EPAS1: variants seen among roughly 807,000 people sequenced by gnomAD.
EPAS1 encodes endothelial PAS domain-containing protein 1.
A neutral mutation model predicts 87.9 loss-of-function variants in EPAS1; 23 were observed. That is an observed-to-expected ratio of 0.26 (90% CI 0.19 to 0.37). The LOEUF is 0.37. Ranked by LOEUF, EPAS1 falls within the 10% of genes least tolerant of loss-of-function variation. The probability of loss-of-function intolerance (pLI) is 1.00; values close to 1 mark genes in which losing one functional copy is unlikely to be tolerated. For synonymous variants in EPAS1, 508 were observed against 444.3 expected (o/e 1.14, Z -1.80); for missense variants, 1,138 against 1,120.7 (o/e 1.02, Z -0.22).
Position 46,302,276 on chromosome 2 carries a change from T to A in EPAS1, c.26+4339T>A, listed in dbSNP as rs1225203634. On this transcript the variant is annotated intron_variant, in intron 1 of 15. Coordinates refer to ENST00000263734, the MANE Select transcript of EPAS1 (RefSeq NM_001430.5). ...TGCTCCAGGATTTTAGGCTCCTACA[T>A]TTGAAAATACTTGCTGTCATTAATT... 6.6e-5 allele frequency among the ~76,000 whole-genome samples: 10 copies of A among 152,106 alleles called. No individual in the cohort carries two copies. In the South Asian group the frequency reaches 2.1e-3, roughly 31 times the overall value.
intron 1 of EPAS1, among the ~76,000 whole-genome samples, chr2:46,322,699 C>A (rs1220852652): frequency 6.6e-6 from 1 of 152,208 alleles, no homozygotes; most frequent in African/African-American, 2.4e-5. Context: ...TGCCTCAGTT[C>A]TTGCACACAG....
intron 1 of EPAS1, among the ~76,000 whole-genome samples, chr2:46,339,408 C>T (rs534864328): frequency 2.1e-4 from 32 of 152,298 alleles, no homozygotes; most frequent in African/African-American, 7.0e-4. Context: ...TGTCAGCAGG[C>T]GCTCTGTTCA....
rs1683892092 is a variant in EPAS1 at position 46,340,591 on chromosome 2, G to T, written c.27-6282G>T. On this transcript the variant is annotated intron_variant, in intron 1 of 15. Coordinates refer to ENST00000263734, the MANE Select transcript of EPAS1 (RefSeq NM_001430.5). ...CCAGATGGGCTGTGGTCTCTTTCAG[G>T]ATAGAGACCATGCCCCTCAGGAGAG... 2.6e-5 allele frequency among the ~76,000 whole-genome samples: 4 copies of T among 152,196 alleles called. 1 individual carries two copies. The South Asian group carries it at 8.3e-4, about 31-fold the overall frequency.
At chr2:46,383,990 T>C (rs1261232008) in intron 15 of EPAS1, among the ~76,000 whole-genome samples, 1 of 152,176 alleles carries the variant, frequency 6.6e-6, no homozygotes, top group African/African-American at 2.4e-5. Flanking sequence ...GGGGCCTGTG[T>C]GTGTGCTGCG....
chr2:46,316,892 C>T (rs1432226524), intron 1 of EPAS1, among the ~76,000 whole-genome samples: 4 of 152,218 alleles, frequency 2.6e-5, no homozygotes, highest in Non-Finnish European at 5.9e-5. Context: ...ACTGCTTTAT[C>T]AACTTAGTTG....
chr2:46,328,937 T>A (rs1683617492), intron 1 of EPAS1, among the ~76,000 whole-genome samples: 1 of 152,194 alleles, frequency 6.6e-6, no homozygotes, highest in African/African-American at 2.4e-5. Context: ...ATAAAAAAAA[T>A]TATTTTTTTC....
At position 46,380,178 on chromosome 2, in the gene EPAS1, G is replaced by A. The variant is rs749329347; in HGVS notation, c.1555-49G>A. The A allele has an allele frequency of 1.9e-6, 3 of 1,600,852 alleles. No homozygotes were observed. Among genetic ancestry groups the A allele is most frequent in the South Asian group, 1.1e-5 (1 of 91,080 alleles). On this transcript the variant is annotated intron_variant, in intron 11 of 15. Transcript: ENST00000263734. The surrounding 1 kb of genome is among the most constrained non-coding windows in gnomAD (Gnocchi z 4.4). ...GGAGCTGAGTTGGAATAGTGTTTGT[G>A]AGGTCGTACCAACCCCCTTGCCTCT...
rs1248769427 is a variant in EPAS1 at position 46,371,855 on chromosome 2, T to C, written c.886+1922T>C. 6.6e-6 allele frequency among the ~76,000 whole-genome samples: 1 copy of C among 152,146 alleles called. No individual in the cohort carries two copies. Among genetic ancestry groups the C allele is most frequent in the African/African-American group, 2.4e-5 (1 of 41,436 alleles). ...GGGTGAAGCCAAGGCAAGAGACAAA[T>C]GTAAAAATTTCTGGGAATTCTTGGA... On this transcript the variant is annotated intron_variant, in intron 7 of 15. Coordinates refer to ENST00000263734, the MANE Select transcript of EPAS1 (RefSeq NM_001430.5). This position sits in a 1 kb window ranked among gnomAD's most constrained non-coding sequence, Gnocchi z 4.3.
chr2:46,315,813 T>A (rs1434595511), intron 1 of EPAS1, among the ~76,000 whole-genome samples: 1 of 152,198 alleles, frequency 6.6e-6, no homozygotes, highest in African/African-American at 2.4e-5. Flanking sequence ...CCCCCTCAAA[T>A]TCTTTGGAAG....
intron 2 of EPAS1, among the ~76,000 whole-genome samples, chr2:46,352,920 T>C (rs748643102): frequency 2.6e-5 from 4 of 152,198 alleles, no homozygotes; most frequent in Non-Finnish European, 5.9e-5. Context: ...GCAAATGCAC[T>C]GGGCATGGGT....
chr2:46,337,672 G>A (rs1683821273), intron 1 of EPAS1, among the ~76,000 whole-genome samples: 1 of 152,154 alleles, frequency 6.6e-6, no homozygotes, highest in African/African-American at 2.4e-5. Context: ...AAGCTTGTGA[G>A]ATCCAAAGGA....
intron 1 of EPAS1, among the ~76,000 whole-genome samples, chr2:46,298,853 A>G (rs1682939109): frequency 6.6e-6 from 1 of 151,442 alleles, no homozygotes; most frequent in African/African-American, 2.4e-5. Context: ...AGAAGCAGGC[A>G]GGGCCTCAAC....
intron 6 of EPAS1, among the ~76,000 whole-genome samples, chr2:46,368,053 A>C (rs1034078232): frequency 6.6e-6 from 1 of 152,250 alleles, no homozygotes; most frequent in African/African-American, 2.4e-5. Flanking sequence ...AGAGAAAATC[A>C]ATCTACTGGT....
At chr2:46,358,553 C>T (rs1572636940) in intron 4 of EPAS1, among the ~76,000 whole-genome samples, 1 of 152,228 alleles carries the variant, frequency 6.6e-6, no homozygotes, top group Non-Finnish European at 1.5e-5. Context: ...GAGTCTGTGA[C>T]CAGAAGCAAG....
intron 4 of EPAS1, among the ~76,000 whole-genome samples, chr2:46,358,628 C>T (rs115213612): frequency 0.049 from 7,527 of 152,224 alleles, 264 homozygotes; most frequent in Middle Eastern, 0.1. Flanking sequence ...TAGGCAAAGG[C>T]GACAACCTTT....
intron 6 of EPAS1, among the ~76,000 whole-genome samples, chr2:46,362,971 G>GTTA (rs1558603080): frequency 5.7e-5 from 5 of 87,174 alleles, no homozygotes; most frequent in Admixed American, 4.9e-4. Context: ...TGGTGGTGGT[G>GTTA]GTGGTAGTGG....
chr2:46,342,817 GTAGCA>G (rs1683937874), intron 1 of EPAS1, among the ~76,000 whole-genome samples: 1 of 152,236 alleles, frequency 6.6e-6, no homozygotes, highest in African/African-American at 2.4e-5. Flanking sequence ...TGGATGAACT[GTAGCA>G]TATCTCTGCT....
Position 46,380,385 on chromosome 2 carries a change from C to T in EPAS1, c.1713C>T (p.Phe571=). ...QHCFSAMTNI[F]QPLAPVAPHS... The stretch of plus-strand genomic sequence containing the variant: ...GCTTCAGTGCCATGACAAACATCTT[C>T]CAGCCACTGGCCCCTGTAGCCCCGC... Residue 571 remains phenylalanine, a synonymous_variant, in exon 12 of 16, where the codon TTC becomes TTT. Coordinates refer to ENST00000263734, the MANE Select transcript of EPAS1 (RefSeq NM_001430.5). The surrounding 1 kb of genome is among the most constrained non-coding windows in gnomAD (Gnocchi z 4.4). 1 of 1,614,186 alleles carries T rather than the reference C, an allele frequency of 6.2e-7. No homozygotes were observed. The highest frequency in any genetic ancestry group is 8.5e-7 in the Non-Finnish European group (1 of 1,180,036).
chr2:46,332,305 T>C (rs1304521659), intron 1 of EPAS1, among the ~76,000 whole-genome samples: 1 of 121,862 alleles, frequency 8.2e-6, no homozygotes, highest in Non-Finnish European at 1.6e-5. Context: ...TGTGTGTGTG[T>C]GTGTGTGTGT....
Sources: allele counts gnomAD v4.1 joint callset (sites outside exome capture counted in the v4.1 genomes callset), GRCh38; gene constraint gnomAD v4.1.1; non-coding constraint Gnocchi (gnomAD v3.1); transcripts MANE v1.5; gene names NCBI Gene and HGNC (gene_info 2026-07-23, HGNC 2026-07-21).